Variants in CRB1 observed in about 807,000 individuals in gnomAD.
CRB1 encodes the protein protein crumbs homolog 1.
A neutral mutation model predicts 120.0 loss-of-function variants in CRB1; 83 were observed. The observed-to-expected ratio is 0.69, with a 90% CI of 0.58 to 0.83. CRB1 has a LOEUF of 0.83. Ranked by LOEUF, CRB1 falls within the 40% of genes least tolerant of loss-of-function variation. The pLI, the probability that CRB1 is intolerant of heterozygous loss-of-function variation, is 0.00. For synonymous variants in CRB1, 625 were observed against 612.5 expected (o/e 1.02, Z -0.30); for missense variants, 1,699 against 1,687.6 (o/e 1.01, Z -0.12).
chr1:197,403,464 G>A (rs571152816), intron 5 of CRB1, among the ~76,000 whole-genome samples: 9 of 152,222 alleles, frequency 5.9e-5, no homozygotes, highest in African/African-American at 2.2e-4. Context: ...AGACATCAGG[G>A]GGACGTGAAT....
In CRB1 at chr1:197,366,708, C is replaced by T. The variant is rs564856178; in HGVS notation, c.1171+9695C>T. On this transcript the variant is annotated intron_variant, in intron 5 of 11. Transcript: ENST00000367400. Reference sequence around the variant, plus strand: ...AATCCTAGTGAGAGGAATCAAGACCCCCTGAAGGAGGATTAACTTTTATTC... The same window carrying T: ...AATCCTAGTGAGAGGAATCAAGACCTCCTGAAGGAGGATTAACTTTTATTC... Among the ~76,000 whole-genome samples, 13 of 152,140 alleles carry T rather than the reference C, an allele frequency of 8.5e-5. No homozygotes were observed. The South Asian group carries it at 2.5e-3, about 29-fold the overall frequency.
chr1:197,222,959 A>G, the CRB1 span: 2 of 861,754 alleles, frequency 2.3e-6, no homozygotes, highest in South Asian at 1.3e-5. Context: ...TGCAGATAAC[A>G]TGTACAATCT....
At chr1:197,371,546 C>G (rs1308567698) in intron 5 of CRB1, among the ~76,000 whole-genome samples, 1 of 152,288 alleles carries the variant, frequency 6.6e-6, no homozygotes, top group Admixed American at 6.5e-5. Flanking sequence ...AAAGTGTTGT[C>G]AGTTCTGAGG....
At chr1:197,213,092 A>G in the CRB1 span, among the ~76,000 whole-genome samples, 1 of 152,188 alleles carries the variant, frequency 6.6e-6, no homozygotes, top group African/African-American at 2.4e-5. Flanking sequence ...GGGAAATAGC[A>G]TTTCCCATGA....
chr1:197,215,275 ATTTT>A, the CRB1 span, among the ~76,000 whole-genome samples: 3 of 131,044 alleles, frequency 2.3e-5, no homozygotes, highest in African/African-American at 5.7e-5. Context: ...CCAGTGGGAG[ATTTT>A]TTTTTTTTTT....
chr1:197,378,534 A>G (rs1661768119), intron 5 of CRB1, among the ~76,000 whole-genome samples: 1 of 152,204 alleles, frequency 6.6e-6, no homozygotes, highest in Non-Finnish European at 1.5e-5. Flanking sequence ...CCTTTCCAAC[A>G]AAAGGGAACT....
chr1:197,271,086 C>A (rs1319296527), intron 1 of CRB1, among the ~76,000 whole-genome samples: 2 of 151,982 alleles, frequency 1.3e-5, no homozygotes, highest in African/African-American at 4.8e-5. Flanking sequence ...GTAGTCTCAG[C>A]TACTCAGGAG....
chr1:197,377,389 G>A (rs1004482711), intron 5 of CRB1, among the ~76,000 whole-genome samples: 4 of 152,144 alleles, frequency 2.6e-5, no homozygotes, highest in Admixed American at 2.0e-4. Context: ...TCAATCAGTT[G>A]AAGCTTGAGA....
intron 5 of CRB1, among the ~76,000 whole-genome samples, chr1:197,369,100 G>A (rs1370590868): frequency 1.3e-5 from 2 of 152,108 alleles, no homozygotes; most frequent in South Asian, 2.1e-4. Flanking sequence ...CTCATATGAC[G>A]TGGTCTAGTG....
chr1:197,252,429 A>G, the CRB1 span, among the ~76,000 whole-genome samples: 1 of 148,296 alleles, frequency 6.7e-6, no homozygotes, highest in Non-Finnish European at 1.5e-5. Flanking sequence ...TAGTGATTCC[A>G]TTTTATCCCT....
intron 1 of CRB1, among the ~76,000 whole-genome samples, chr1:197,297,796 A>G (rs1044560605): frequency 1.3e-5 from 2 of 152,120 alleles, no homozygotes; most frequent in Non-Finnish European, 2.9e-5. Context: ...GGGGAAAAGA[A>G]AAAAGTCAGA....
At chr1:197,268,539 C>A in intron 1 of CRB1, 57 bp downstream of exon 1, 1 of 1,230,018 alleles carries the variant, frequency 8.1e-7, no homozygotes, top group Non-Finnish European at 1.2e-6. Context: ...TATTATATTT[C>A]TTACAAATAA....
chr1:197,310,319 C>T (rs890019356), intron 1 of CRB1, among the ~76,000 whole-genome samples: 1 of 152,142 alleles, frequency 6.6e-6, no homozygotes, highest in African/African-American at 2.4e-5. Context: ...ATCTTCCAGG[C>T]CTAGGAACAC....
chr1:197,388,725 G>A (rs547927488), intron 5 of CRB1, among the ~76,000 whole-genome samples: 8 of 152,132 alleles, frequency 5.3e-5, no homozygotes, highest in Non-Finnish European at 1.2e-4. Context: ...ATTCACCCCT[G>A]AAATGCTTCA....
intron 1 of CRB1, among the ~76,000 whole-genome samples, chr1:197,278,377 G>GAAC (rs776437428): frequency 6.6e-6 from 1 of 151,884 alleles, no homozygotes; most frequent in African/African-American, 2.4e-5. Context: ...TCCAAAACAA[G>GAAC]AACAACAACA....
At chr1:197,393,711 T>G (rs1662627599) in intron 5 of CRB1, among the ~76,000 whole-genome samples, 2 of 152,152 alleles carry the variant, frequency 1.3e-5, no homozygotes, top group Non-Finnish European at 2.9e-5. Flanking sequence ...ATTTACATAT[T>G]ATTCCAATCA....
chr1:197,301,299 G>T (rs1164237783), intron 1 of CRB1, among the ~76,000 whole-genome samples: 1 of 151,936 alleles, frequency 6.6e-6, no homozygotes, highest in Non-Finnish European at 1.5e-5. Flanking sequence ...CTGAGTAGCT[G>T]GGATTACAGG....
chr1:197,342,802 T>C (rs1329910185), intron 2 of CRB1, among the ~76,000 whole-genome samples: 1 of 152,238 alleles, frequency 6.6e-6, no homozygotes, highest in Non-Finnish European at 1.5e-5. Context: ...CTACCATTGA[T>C]GTAGCATTTA....
chr1:197,255,996 T>TATATATATATATAC, the CRB1 span, among the ~76,000 whole-genome samples: 1,575 of 116,120 alleles, frequency 0.014, 21 homozygotes, highest in East Asian at 0.043. Context: ...TATATATATA[T>TATATATATATATAC]ACACTACAAT....
Sources: allele counts gnomAD v4.1 joint callset (sites outside exome capture counted in the v4.1 genomes callset), GRCh38; gene constraint gnomAD v4.1.1; transcripts MANE v1.5; gene names NCBI Gene and HGNC (gene_info 2026-07-23, HGNC 2026-07-21).